Variants in SLC7A14 observed in about 807,000 individuals in gnomAD.
SLC7A14 encodes the protein gamma-aminobutyric acid transporter SLC7A14.
In SLC7A14, 37 loss-of-function variants were observed where a neutral mutation model predicts 60.2. The ratio of observed to expected loss-of-function variants is 0.61; its 90% CI spans 0.47 to 0.81. The LOEUF (loss-of-function observed/expected upper bound fraction) is 0.81. Ranked by LOEUF, SLC7A14 falls within the 30% of genes least tolerant of loss-of-function variation. The pLI is 0.00. For synonymous variants in SLC7A14, 399 were observed against 395.8 expected (o/e 1.01, Z -0.10); for missense variants, 886 against 982.7 (o/e 0.90, Z 1.32).
rs536328649 is a variant in SLC7A14, at chr3:170,529,749, T to C, written c.-152-2661A>G. Among the ~76,000 whole-genome samples, 5 of 152,192 alleles carry C rather than the reference T, an allele frequency of 3.3e-5. No individual in the cohort carries two copies. The South Asian group carries it at 1.0e-3, about 32-fold the overall frequency. On this transcript the variant is annotated intron_variant, in intron 1 of 7. Coordinates refer to ENST00000231706, the MANE Select transcript of SLC7A14 (RefSeq NM_020949.3). ...ATAATATCATTATAGATGAAATTAG[T>C]TGGGGGGAGGTCATACCAAAGTAGA...
intron 1 of SLC7A14, among the ~76,000 whole-genome samples, chr3:170,572,731 T>C (rs902544963): frequency 6.6e-6 from 1 of 152,246 alleles, no homozygotes; most frequent in South Asian, 2.1e-4. Context: ...ATTTCTGTTG[T>C]CTATATTAGG....
intron 4 of SLC7A14, among the ~76,000 whole-genome samples, chr3:170,487,953 C>T (rs1172443805): frequency 6.6e-6 from 1 of 152,154 alleles, no homozygotes; most frequent in Non-Finnish European, 1.5e-5. Flanking sequence ...TTGCAGAGAT[C>T]TTGAAATATC....
rs1375247667 is a variant in SLC7A14 at position 170,532,937 on chromosome 3, G to A, written c.-152-5849C>T. Among the ~76,000 whole-genome samples the A allele has an allele frequency of 6.6e-6, 1 of 152,174 alleles. No individual in the cohort carries two copies. The highest frequency in any genetic ancestry group is 2.4e-5 in the African/African-American group (1 of 41,454). Reference sequence around the variant, plus strand: ...CCTTTATCTAAAGGGGCCTTCAGCAGATTTGCTTAGGCCTTTGGGTGTTAT... The same window carrying A: ...CCTTTATCTAAAGGGGCCTTCAGCAAATTTGCTTAGGCCTTTGGGTGTTAT... On this transcript the variant is annotated intron_variant, in intron 1 of 7. Coordinates refer to ENST00000231706, the MANE Select transcript of SLC7A14 (RefSeq NM_020949.3). The surrounding 1 kb of genome is among the most constrained non-coding windows in gnomAD (Gnocchi z 4.0).
chr3:170,471,829 T>C (rs372702135), intron 7 of SLC7A14, among the ~76,000 whole-genome samples: 38 of 152,350 alleles, frequency 2.5e-4, no homozygotes, highest in East Asian at 1.9e-3. Context: ...TATTTGGATA[T>C]TTAATTCTGC....
chr3:170,491,772 C>G (rs1354555246), intron 4 of SLC7A14, among the ~76,000 whole-genome samples: 3 of 152,110 alleles, frequency 2.0e-5, no homozygotes, highest in Admixed American at 1.3e-4. Flanking sequence ...CGCCTTCTGA[C>G]TTGATAGTAT....
intron 1 of SLC7A14, among the ~76,000 whole-genome samples, chr3:170,555,438 T>A (rs1433507444): frequency 6.6e-6 from 1 of 152,202 alleles, no homozygotes; most frequent in Non-Finnish European, 1.5e-5. Flanking sequence ...AAAATATTCT[T>A]ATAAAATATG....
intron 1 of SLC7A14, 95 bp from the exon 2 acceptor site, chr3:170,527,183 A>G (rs138670341): frequency 5.5e-6 from 3 of 548,128 alleles, no homozygotes; most frequent in African/African-American, 1.9e-5. Context: ...CTGAACTGGT[A>G]GAACTGGTCT....
At position 170,464,248 on chromosome 3, in the gene SLC7A14, CCACAAATCCA is replaced by C. The variant is rs1366325926; in HGVS notation, c.*2797_*2806del. On this transcript the variant is annotated 3_prime_UTR_variant, in exon 8 of 8. Coordinates refer to ENST00000231706, the MANE Select transcript of SLC7A14 (RefSeq NM_020949.3). ...AGAAAATCAAGTAATTGGCTCCAAACCACAAATCCACACAATGAAATCTCACTCGGAGAGC... is the reference window on the plus strand; with the variant it reads ...AGAAAATCAAGTAATTGGCTCCAAACCACAATGAAATCTCACTCGGAGAGC... The C allele has an allele frequency of 2.6e-5, 4 of 152,258 alleles. No homozygotes were observed. Among genetic ancestry groups the C allele is most frequent in the Admixed American group, 6.5e-5 (1 of 15,294 alleles). The allele number at this position is 152,258 out of a possible 1,614,324, so 9.4% of individuals were successfully genotyped here.
chr3:170,527,176 A>G, intron 1 of SLC7A14, 88 bp from the exon 2 acceptor site: 1 of 551,284 alleles, frequency 1.8e-6, no homozygotes, highest in Non-Finnish European at 3.3e-6. Context: ...TAATGTCCTG[A>G]ACTGGTAGAA....
intron 2 of SLC7A14, among the ~76,000 whole-genome samples, chr3:170,520,310 C>G (rs1713304069): frequency 1.3e-5 from 2 of 152,166 alleles, no homozygotes; most frequent in Admixed American, 1.3e-4. Context: ...GGGTTATGCA[C>G]TTAGAACTCT....
At chr3:170,582,775 G>A (rs1181201496) in intron 1 of SLC7A14, among the ~76,000 whole-genome samples, 2 of 152,088 alleles carry the variant, frequency 1.3e-5, no homozygotes, top group African/African-American at 2.4e-5. Flanking sequence ...AACTGAATTT[G>A]AATTTCTAAA....
intron 1 of SLC7A14, among the ~76,000 whole-genome samples, chr3:170,574,988 G>A (rs913570896): frequency 8.8e-5 from 13 of 148,110 alleles, no homozygotes; most frequent in African/African-American, 1.2e-4. Flanking sequence ...ATTGAATGAA[G>A]GGTGGAGGAA....
chr3:170,526,869 T>G lies in SLC7A14; in HGVS notation c.68A>C (p.His23Pro). ...TGGTTTGGTGCGTAGGATCCTGGAG[T>G]GCATTGCATACCAGGCAGCTCCCCA... ...VQWGAAWYAMHSRILRTKPVE... is the reference protein window; with the variant it reads ...VQWGAAWYAMPSRILRTKPVE... The change falls in exon 2 of 8, where the codon CAC becomes CCC. Residue 23 changes from histidine (H) to proline (P), a missense_variant. Coordinates refer to ENST00000231706, the MANE Select transcript of SLC7A14 (RefSeq NM_020949.3). 1 of 1,613,886 alleles carries G rather than the reference T, an allele frequency of 6.2e-7. No individual in the cohort carries two copies. Among genetic ancestry groups the G allele is most frequent in the Non-Finnish European group, 8.5e-7 (1 of 1,179,952 alleles).
chr3:170,571,794 C>T (rs1029909549), intron 1 of SLC7A14, among the ~76,000 whole-genome samples: 1 of 152,148 alleles, frequency 6.6e-6, no homozygotes, highest in Non-Finnish European at 1.5e-5. Context: ...GGCACGTTGG[C>T]TCATGCCTGT....
Position 170,526,652 on chromosome 3 carries a change from G to A in SLC7A14, c.285C>T (p.Ala95=), listed in dbSNP as rs147884211. The A allele has an allele frequency of 3.1e-6, 5 of 1,614,094 alleles. No homozygotes were observed. Among genetic ancestry groups the A allele is most frequent in the South Asian group, 1.1e-5 (1 of 91,076 alleles). ...PGVIVSFIIA[A]VASILSGVCY... ...ACTTACCTGATAATATGGATGCGAC[G>A]GCTGCAATGATGAAGGACACAATGA... The change falls in exon 2 of 8, where the codon GCC becomes GCT. Residue 95 remains alanine (A), a synonymous_variant. Coordinates refer to ENST00000231706, the MANE Select transcript of SLC7A14 (RefSeq NM_020949.3).
chr3:170,565,626 G>T (rs1714768416), intron 1 of SLC7A14, among the ~76,000 whole-genome samples: 1 of 152,070 alleles, frequency 6.6e-6, no homozygotes, highest in Non-Finnish European at 1.5e-5. Flanking sequence ...AGAAAGGAGT[G>T]CAAAAAAAGT....
At position 170,483,347 on chromosome 3, in the gene SLC7A14, A is replaced by G. The variant is rs1560252778; in HGVS notation, c.1082T>C (p.Ile361Thr). Reference sequence around the variant, plus strand: ...GAGCCCGTCACCAGCCATGGCATAAATGACCCTCGGCATCGGGAAGAGGGA... The same window carrying G: ...GAGCCCGTCACCAGCCATGGCATAAGTGACCCTCGGCATCGGGAAGAGGGA... ...LGSLFPMPRVIYAMAGDGLLF... is the reference protein window; with the variant it reads ...LGSLFPMPRVTYAMAGDGLLF... The change falls in exon 6 of 8, where the codon ATT becomes ACT. Residue 361 changes from isoleucine (I) to threonine (T), a missense_variant. Ile to Thr is a moderately conservative substitution (Grantham distance 89, BLOSUM62 -1). Transcript: ENST00000231706. The G allele has an allele frequency of 1.2e-6, 2 of 1,614,124 alleles. No homozygotes were observed. The highest frequency in any genetic ancestry group is 1.7e-6 in the Non-Finnish European group (2 of 1,180,020).
intron 4 of SLC7A14, among the ~76,000 whole-genome samples, chr3:170,492,077 A>G (rs780402571): frequency 2.0e-5 from 3 of 152,240 alleles, no homozygotes; most frequent in African/African-American, 4.8e-5. Flanking sequence ...ATGAAACTGT[A>G]TATGGGTGTC....
In SLC7A14 at chr3:170,518,065, G is replaced by A. The variant is rs374452670; in HGVS notation, c.304+8568C>T. 6.6e-5 allele frequency among the ~76,000 whole-genome samples: 10 copies of A among 152,258 alleles called. No individual in the cohort carries two copies. The East Asian group carries it at 1.5e-3, about 23-fold the overall frequency. ...CAGTCATAGATTTGAGTTCTGGCACGGCACTAAATAGTTGTGGGACTTTCA... is the reference window on the plus strand; with the variant it reads ...CAGTCATAGATTTGAGTTCTGGCACAGCACTAAATAGTTGTGGGACTTTCA... On this transcript the variant is annotated intron_variant, in intron 2 of 7. Coordinates refer to ENST00000231706, the MANE Select transcript of SLC7A14 (RefSeq NM_020949.3).
Sources: gnomAD v4.1 joint callset for allele counts (sites outside exome capture counted in the v4.1 genomes callset) on GRCh38, gnomAD v4.1.1 for gene constraint, Gnocchi (gnomAD v3.1) non-coding constraint, MANE v1.5 for transcripts, NCBI Gene and HGNC (gene_info 2026-07-23, HGNC 2026-07-21) for gene names.